The following PIK3C3 variants were observed in gnomAD, a reference collection of about 807,000 sequenced individuals.
PIK3C3 encodes phosphatidylinositol 3-kinase catalytic subunit type 3, also known as PI3-kinase type 3.
PIK3C3 carries 95 observed loss-of-function variants against 126.1 expected under a neutral mutation model. That is an observed-to-expected ratio of 0.75 (90% CI 0.64 to 0.89). The LOEUF (loss-of-function observed/expected upper bound fraction) is 0.89. PIK3C3 is among the 40% of genes least tolerant of loss of function. PIK3C3 has a pLI of 0.00. For missense variants in PIK3C3, 829 were observed against 1,063.2 expected (o/e 0.78, Z 3.06); for synonymous variants, 374 against 360.0 (o/e 1.04, Z -0.44).
chr18:42,049,507 TA>T (rs746880693), intron 20 of PIK3C3, 23 bp from the exon 21 acceptor site: 147 of 1,588,478 alleles, frequency 9.3e-5, no homozygotes, highest in Non-Finnish European at 1.1e-4. Flanking sequence ...TGTTTTCACA[TA>T]TTTTTTTTAA....
intron 15 of PIK3C3, among the ~76,000 whole-genome samples, chr18:42,031,755 A>G (rs1983840304): frequency 6.6e-6 from 1 of 152,116 alleles, no homozygotes; most frequent in African/African-American, 2.4e-5. Context: ...TAACACTTTC[A>G]CTGTTAATAT....
chr18:42,015,927 T>C (rs1414974303), intron 12 of PIK3C3, among the ~76,000 whole-genome samples: 1 of 152,188 alleles, frequency 6.6e-6, no homozygotes, highest in Non-Finnish European at 1.5e-5. Context: ...ATAACTTTGA[T>C]ATTAGAGTTA....
chr18:42,055,636 A>G (rs1985029543), intron 21 of PIK3C3, among the ~76,000 whole-genome samples: 1 of 152,088 alleles, frequency 6.6e-6, no homozygotes, highest in Admixed American at 6.6e-5. Context: ...GATGTCAGGG[A>G]AGAATTTTTG....
At chr18:42,078,043 C>CT (rs1986093616) in intron 24 of PIK3C3, among the ~76,000 whole-genome samples, 1 of 151,462 alleles carries the variant, frequency 6.6e-6, no homozygotes, top group Non-Finnish European at 1.5e-5. Flanking sequence ...TATTTTGAAT[C>CT]TTTTTTTCTG....
Position 42,083,672 on chromosome 18 carries a change from C to T in PIK3C3, c.*2535C>T, listed in dbSNP as rs1376765217. ...CTCAGTATTACATGGCAGGGCTATA[C>T]TAATTGCTTCATATGCCTTATCTCA... is the stretch of plus-strand genomic sequence containing the variant. On this transcript the variant is annotated 3_prime_UTR_variant, in exon 25 of 25. Coordinates refer to ENST00000262039, the MANE Select transcript of PIK3C3 (RefSeq NM_002647.4). 1 of 152,174 alleles carries T rather than the reference C, an allele frequency of 6.6e-6. No individual in the cohort carries two copies. Among genetic ancestry groups the T allele is most frequent in the Non-Finnish European group, 1.5e-5 (1 of 68,030 alleles). The allele number at this position is 152,174 out of a possible 1,614,324, so 9.4% of individuals were successfully genotyped here.
intron 4 of PIK3C3, among the ~76,000 whole-genome samples, chr18:41,979,998 T>G (rs369674871): frequency 9.6e-4 from 146 of 152,126 alleles, no homozygotes; most frequent in African/African-American, 3.4e-3. Context: ...CTGAATACAC[T>G]TCCTTCCGCC....
chr18:42,080,311 A>T (rs980977393), intron 24 of PIK3C3, among the ~76,000 whole-genome samples: 1 of 152,212 alleles, frequency 6.6e-6, no homozygotes, highest in African/African-American at 2.4e-5. Context: ...AATGTGTCAG[A>T]TTAAAAGCCA....
chr18:42,075,508 G>C (rs1231419556), intron 24 of PIK3C3, among the ~76,000 whole-genome samples: 1 of 151,784 alleles, frequency 6.6e-6, no homozygotes, highest in African/African-American at 2.4e-5. Flanking sequence ...AAATGTGCCA[G>C]GAATTATGTA....
intron 22 of PIK3C3, among the ~76,000 whole-genome samples, chr18:42,059,066 G>C (rs1026544068): frequency 6.6e-6 from 1 of 152,152 alleles, no homozygotes; most frequent in African/African-American, 2.4e-5. Context: ...CTTCGTATTT[G>C]TATGAGAACC....
intron 3 of PIK3C3, among the ~76,000 whole-genome samples, chr18:41,965,062 G>T (rs1057346679): frequency 6.6e-6 from 1 of 152,196 alleles, no homozygotes; most frequent in African/African-American, 2.4e-5. Context: ...TGCTAAATCA[G>T]TATTGTTTCT....
At chr18:42,069,407 C>T (rs1280451537) in intron 24 of PIK3C3, among the ~76,000 whole-genome samples, 1 of 152,180 alleles carries the variant, frequency 6.6e-6, no homozygotes, top group Admixed American at 6.5e-5. Flanking sequence ...AAACAAGGGA[C>T]AAAACCAAGA....
intron 24 of PIK3C3, 114 bp downstream of exon 24, chr18:42,067,627 A>G (rs747429135): frequency 2.0e-4 from 242 of 1,204,248 alleles, no homozygotes; most frequent in Non-Finnish European, 2.6e-4. Context: ...TTTTCTATCA[A>G]GTCGTTTTGA....
intron 10 of PIK3C3, among the ~76,000 whole-genome samples, chr18:42,005,119 A>C (rs1982480789): frequency 1.3e-5 from 2 of 152,216 alleles, no homozygotes; most frequent in African/African-American, 4.8e-5. Flanking sequence ...GTTATTTATC[A>C]GTTAATGACA....
intron 13 of PIK3C3, chr18:42,026,459 C>CTT (rs1157025134): frequency 6.7e-6 from 1 of 150,046 alleles, no homozygotes; most frequent in Non-Finnish European, 1.5e-5. Context: ...AGCTGTGATA[C>CTT]TTTTTTTTTT....
At chr18:42,076,089 C>CATATATATATATAT (rs71174077) in intron 24 of PIK3C3, among the ~76,000 whole-genome samples, 4 of 54,646 alleles carry the variant, frequency 7.3e-5, no homozygotes, top group African/African-American at 2.4e-4. Flanking sequence ...CTTTACCTTG[C>CATATATATATATAT]ATATATATAT....
intron 24 of PIK3C3, among the ~76,000 whole-genome samples, chr18:42,068,019 G>A (rs1346640558): frequency 6.6e-6 from 1 of 152,120 alleles, no homozygotes; most frequent in Non-Finnish European, 1.5e-5. Flanking sequence ...GCATAATAAG[G>A]ATGACTATGA....
intron 19 of PIK3C3, among the ~76,000 whole-genome samples, chr18:42,042,696 C>G (rs987121002): frequency 5.3e-5 from 8 of 152,158 alleles, no homozygotes; most frequent in Non-Finnish European, 8.8e-5. Context: ...CACATCTGAT[C>G]TGTGTAAGTG....
intron 6 of PIK3C3, 100 bp downstream of exon 6, chr18:41,990,654 G>A (rs1469324194): frequency 1.5e-6 from 1 of 653,370 alleles, no homozygotes; most frequent in South Asian, 1.9e-5. Flanking sequence ...TTGGTTGCAG[G>A]GTAGCAGCAG....
At chr18:42,033,687 A>G in intron 15 of PIK3C3, 139 bp from the exon 16 acceptor site, 2 of 539,388 alleles carry the variant, frequency 3.7e-6, no homozygotes, top group South Asian at 2.5e-5. Flanking sequence ...TCTCTCACAT[A>G]CAACACCATC....
Sources: gnomAD v4.1 joint callset for allele counts (sites outside exome capture counted in the v4.1 genomes callset) on GRCh38, gnomAD v4.1.1 for gene constraint, MANE v1.5 for transcripts, NCBI Gene and HGNC (gene_info 2026-07-23, HGNC 2026-07-21) for gene names.